The following MYO1C variants were observed in gnomAD, a reference collection of about 807,000 sequenced individuals.
MYO1C encodes unconventional myosin-Ic.
Under a neutral mutation model 150.8 loss-of-function variants are expected in MYO1C, and 104 were observed. The observed-to-expected ratio is 0.69, with a 90% CI of 0.59 to 0.81. The LOEUF is 0.81. Ranked by LOEUF, MYO1C falls within the 30% of genes least tolerant of loss-of-function variation. MYO1C has a pLI of 0.00. For synonymous variants in MYO1C, 663 were observed against 579.9 expected, an observed-to-expected ratio of 1.14 and a Z score of -2.06; for missense variants, 1,504 against 1,435.0, an observed-to-expected ratio of 1.05 and a Z score of -0.78.
At chr17:1,468,904 A>T (rs1292616001) in intron 25 of MYO1C, 1 of 337,204 alleles carries the variant, frequency 3.0e-6, no homozygotes, top group African/African-American at 2.1e-5. Flanking sequence ...CAATGCCTGT[A>T]ATCAGGGCAG....
intron 25 of MYO1C, chr17:1,469,037 G>C: frequency 3.3e-6 from 1 of 298,574 alleles, no homozygotes; most frequent in South Asian, 3.2e-5. Flanking sequence ...CTGTACTCCA[G>C]TGTCCACTTC....
rs761310546 is a variant in MYO1C at position 1,479,438 on chromosome 17, C to G, written c.1085G>C (p.Gly362Ala). Residue 362 changes from glycine (G) to alanine (A), a missense_variant, in exon 9 of 32, where the codon GGG (glycine) becomes GCG (alanine). Coordinates refer to ENST00000648651, the MANE Select transcript of MYO1C (RefSeq NM_001080779.2). This position sits in a 1 kb window ranked among gnomAD's most constrained non-coding sequence, Gnocchi z 4.2. Reference protein sequence around the residue: ...ALTHRKIIAKGEELLSPLNLE... With the variant: ...ALTHRKIIAKAEELLSPLNLE... ...GCAAGGGCCCGGCCTCACCTCCTCC[C>G]CCTTGGCGATGATCTTCCTGTGTGT... The G allele has an allele frequency of 6.9e-7, 1 of 1,444,640 alleles. No individual in the cohort carries two copies. The highest frequency in any genetic ancestry group is 1.2e-5 in the South Asian group (1 of 82,110). The allele number at this position is 1,444,640 out of a possible 1,614,324, so 89.5% of individuals were successfully genotyped here.
rs1189646261 is a variant in MYO1C at position 1,477,948 on chromosome 17, G to A, written c.1425C>T (p.Asn475=). 6 of 1,614,096 alleles carry A rather than the reference G, an allele frequency of 3.7e-6. No homozygotes were observed. The highest frequency in any genetic ancestry group is 5.1e-6 in the Non-Finnish European group (6 of 1,180,036). Residue 475 remains asparagine (N), a synonymous_variant, in exon 13 of 32, where the codon AAC becomes AAT. Coordinates refer to ENST00000648651, the MANE Select transcript of MYO1C (RefSeq NM_001080779.2). ...GIAWEPVQYF[N]NKIICDLVEE... ...CCACCAGATCACAGATGATTTTGTT[G>A]TTGAAATACTGGACGGGCTCCCACT...
chr17:1,471,803 G>A, intron 19 of MYO1C, 104 bp downstream of exon 19: 5 of 1,258,098 alleles, frequency 4.0e-6, no homozygotes, highest in Middle Eastern at 4.2e-4. Flanking sequence ...CTCCGCATCC[G>A]CATTTCTAAA....
chr17:1,481,992 T>C (rs1163699170), intron 5 of MYO1C, among the ~76,000 whole-genome samples: 3 of 152,110 alleles, frequency 2.0e-5, no homozygotes, highest in East Asian at 3.9e-4. Flanking sequence ...GGCTGTTCCG[T>C]TCCCGCTGCC....
rs1429029780 is a variant in MYO1C at position 1,477,714 on chromosome 17, CCA to C, written c.1483-120_1483-119del. The stretch of plus-strand genomic sequence containing the variant: ...GGGAGGGGCAGATCACAGGGAGTCT[CCA>C]CAGAGAGCTTCCAACTGGGGCGGCA... On this transcript the variant is annotated intron_variant, in intron 13 of 31. Transcript: ENST00000648651. 3.0e-6 allele frequency: 3 copies of C among 985,350 alleles called. No individual in the cohort carries two copies. The East Asian group carries it at 7.3e-5, about 24-fold the overall frequency. The allele number at this position is 985,350 out of a possible 1,614,324, so 61.0% of individuals were successfully genotyped here.
intron 7 of MYO1C, among the ~76,000 whole-genome samples, chr17:1,480,020 T>G (rs992759773): frequency 2.0e-4 from 30 of 151,298 alleles, no homozygotes; most frequent in African/African-American, 7.0e-4. Context: ...GTGGCAGGTG[T>G]CTGTAATCCC....
intron 14 of MYO1C, among the ~76,000 whole-genome samples, chr17:1,476,895 G>A (rs9891891): frequency 0.069 from 10,490 of 151,926 alleles, 549 homozygotes; most frequent in African/African-American, 0.13. Context: ...CTGGAGGGCA[G>A]TGGTGCGATC....
chr17:1,485,920 C>G, intron 1 of MYO1C: 1 of 146,898 alleles, frequency 6.8e-6, no homozygotes. Context: ...GTGGGGGTGT[C>G]GGGGCGGGGG....
intron 2 of MYO1C, among the ~76,000 whole-genome samples, 196 bp downstream of exon 2, chr17:1,483,952 G>C (rs1436938318): frequency 6.6e-6 from 1 of 151,862 alleles, no homozygotes; most frequent in Admixed American, 6.6e-5. Flanking sequence ...TGAGGCAGGA[G>C]AATCGCTTGA....
Position 1,474,832 on chromosome 17 carries a change from G to C in MYO1C, c.1696C>G (p.Leu566Val). The change falls in exon 16 of 32, where the codon CTC becomes GTC. Residue 566 changes from leucine to valine, a missense_variant. Coordinates refer to ENST00000648651, the MANE Select transcript of MYO1C (RefSeq NM_001080779.2). ...CTCACCTCCTTAAGGTTCCGGAAGAGAAGGTCATTGTTTTTGTCCAGAAAC... is the reference window on the plus strand; with the variant it reads ...CTCACCTCCTTAAGGTTCCGGAAGACAAGGTCATTGTTTTTGTCCAGAAAC... ...TGFLDKNNDL[L>V]FRNLKETMCS... 5 of 1,613,974 alleles carry C rather than the reference G, an allele frequency of 3.1e-6. No homozygotes were observed. Among genetic ancestry groups the C allele is most frequent in the Non-Finnish European group, 4.2e-6 (5 of 1,179,940 alleles).
In MYO1C at chr17:1,479,010, C is replaced by T. The variant is rs1230601871; in HGVS notation, c.1093-275G>A. 6.6e-6 allele frequency among the ~76,000 whole-genome samples: 1 copy of T among 152,158 alleles called. No individual in the cohort carries two copies. Among genetic ancestry groups the T allele is most frequent in the Admixed American group, 6.5e-5 (1 of 15,270 alleles). On this transcript the variant is annotated intron_variant, in intron 9 of 31. Coordinates refer to ENST00000648651, the MANE Select transcript of MYO1C (RefSeq NM_001080779.2). The surrounding 1 kb of genome is among the most constrained non-coding windows in gnomAD (Gnocchi z 4.2). Reference sequence around the variant, plus strand: ...TCTTCCTATGTGACCCTGGCCAGCTCACTGTGCTGCTTCTTTTTTTTGAGA... The same window carrying T: ...TCTTCCTATGTGACCCTGGCCAGCTTACTGTGCTGCTTCTTTTTTTTGAGA...
chr17:1,483,136 G>A lies in MYO1C; in HGVS notation c.348-77C>T, dbSNP rs2074571556. Reference sequence around the variant, plus strand: ...CACGAGAGTCCCGCTCCCACATCTGGGTGGAGTCCTCTTGTGGGAGTCGAA... The same window carrying A: ...CACGAGAGTCCCGCTCCCACATCTGAGTGGAGTCCTCTTGTGGGAGTCGAA... On this transcript the variant is annotated intron_variant, in intron 3 of 31. Transcript: ENST00000648651. 2.8e-6 allele frequency: 4 copies of A among 1,412,730 alleles called. No homozygotes were observed. The African/African-American group carries it at 4.2e-5, about 15-fold the overall frequency. The allele number at this position is 1,412,730 out of a possible 1,614,324, so 87.5% of individuals were successfully genotyped here.
rs1475449493 is a variant in MYO1C, at chr17:1,470,420, C to A, written c.2366+15G>T. ...GCCCTGCTCTGCAGCCCCCACAAGG[C>A]ACCCTGGCGCTCACCGCCGGATGGT... On this transcript the variant is annotated intron_variant, in intron 23 of 31. Coordinates refer to ENST00000648651, the MANE Select transcript of MYO1C (RefSeq NM_001080779.2). The A allele has an allele frequency of 5.2e-6, 8 of 1,550,224 alleles. No homozygotes were observed. Among genetic ancestry groups the A allele is most frequent in the Non-Finnish European group, 7.0e-6 (8 of 1,146,988 alleles).
At chr17:1,468,192 C>A (rs1406521567) in intron 27 of MYO1C, 61 bp downstream of exon 27, 10 of 1,611,196 alleles carry the variant, frequency 6.2e-6, no homozygotes, top group African/African-American at 1.3e-5. Flanking sequence ...CCCTGACCTG[C>A]CTTCAGCTCT....
rs2074424256 is a variant in MYO1C, at chr17:1,477,552, G to A, written c.1527C>T (p.Phe509=). 1 of 1,613,664 alleles carries A rather than the reference G, an allele frequency of 6.2e-7. No homozygotes were observed. The highest frequency in any genetic ancestry group is 1.3e-5 in the African/African-American group (1 of 75,026). Residue 509 remains phenylalanine, a synonymous_variant, in exon 14 of 32, where the codon TTC becomes TTT. Transcript: ENST00000648651. ...TGACAGTATCCTCCAGCTTCTCCAG[G>A]AAGGTCAGGTCTGTGGCCTCCCCGG... The part of the protein sequence containing the change: ...LRPGEATDLT[F]LEKLEDTVKH...
chr17:1,481,424 C>T (rs957846983), intron 5 of MYO1C, among the ~76,000 whole-genome samples: 16 of 152,180 alleles, frequency 1.1e-4, no homozygotes, highest in African/African-American at 3.6e-4. Flanking sequence ...GCCCCCTAAC[C>T]GTTTTCCCTG....
intron 14 of MYO1C, among the ~76,000 whole-genome samples, chr17:1,476,480 C>T (rs2074404966): frequency 6.6e-6 from 1 of 152,026 alleles, no homozygotes; most frequent in South Asian, 2.1e-4. Flanking sequence ...CATCCAGAAA[C>T]AAATTTTCAA....
chr17:1,477,171 T>C lies in MYO1C; in HGVS notation c.1574+334A>G, dbSNP rs369487239. ...TCTTTTTTAAAAAATTCATTATTTA[T>C]TTTTTTCCCTTTTTTTTTTTTTTTG... is the stretch of plus-strand genomic sequence containing the variant. On this transcript the variant is annotated intron_variant, in intron 14 of 31. Coordinates refer to ENST00000648651, the MANE Select transcript of MYO1C (RefSeq NM_001080779.2). 396 of 282,498 alleles carry C rather than the reference T, an allele frequency of 1.4e-3. 3 individuals are homozygous for C. Among genetic ancestry groups the C allele is most frequent in the African/African-American group, 7.4e-3 (329 of 44,610 alleles). 17.5% of individuals were successfully genotyped at this position (282,498 alleles called of 1,614,324 possible).
Sources: allele counts gnomAD v4.1 joint callset (sites outside exome capture counted in the v4.1 genomes callset), GRCh38; gene constraint gnomAD v4.1.1; non-coding constraint Gnocchi (gnomAD v3.1); transcripts MANE v1.5; gene names NCBI Gene and HGNC (gene_info 2026-07-23, HGNC 2026-07-21).